KDM2B: variants seen among roughly 807,000 people sequenced by gnomAD.
The protein encoded by KDM2B is lysine demethylase 2B.
In KDM2B, 26 loss-of-function variants were observed where a neutral mutation model predicts 150.0. That is an observed-to-expected ratio of 0.17 (90% confidence interval 0.13 to 0.24). The LOEUF (loss-of-function observed/expected upper bound fraction) is 0.24, where lower values mean the gene tolerates loss of function less well. KDM2B is among the 10% of genes least tolerant of loss of function. The probability of loss-of-function intolerance (pLI) is 1.00; values close to 1 mark genes in which losing one functional copy is unlikely to be tolerated. For missense variants in KDM2B, 1,265 were observed against 1,816.9 expected (o/e 0.70, Z 5.52); for synonymous variants, 734 against 729.5 (o/e 1.01, Z -0.10).
At chr12:121,544,844 C>T (rs1380080313) in intron 6 of KDM2B, among the ~76,000 whole-genome samples, 8 of 150,406 alleles carry the variant, frequency 5.3e-5, no homozygotes, top group African/African-American at 1.2e-4. Context: ...ACCTGGGAGG[C>T]GGAGGTTGCA....
chr12:121,575,692 TG>T lies in KDM2B; in HGVS notation c.350+88del. On this transcript the variant is annotated intron_variant, in intron 3 of 22. Transcript: ENST00000377071. This position sits in a 1 kb window ranked among gnomAD's most constrained non-coding sequence, Gnocchi z 4.4. ...AAAGATCCTTCTCAGTGATGAGAGG[TG>T]GGAAGAGGGTGGAAGAAATCCATCC... The T allele has an allele frequency of 1.1e-6, 1 of 924,504 alleles. No homozygotes were observed. The highest frequency in any genetic ancestry group is 2.3e-4 in the Middle Eastern group (1 of 4,264). 57.3% of individuals were successfully genotyped at this position (924,504 alleles called of 1,614,324 possible).
intron 8 of KDM2B, among the ~76,000 whole-genome samples, chr12:121,526,457 G>C (rs1887143472): frequency 6.6e-6 from 1 of 152,154 alleles, no homozygotes; most frequent in Non-Finnish European, 1.5e-5. Context: ...CCAAGCTACT[G>C]GAGTTCAAAG....
intron 6 of KDM2B, among the ~76,000 whole-genome samples, chr12:121,539,118 G>T (rs989053331): frequency 6.6e-6 from 1 of 151,892 alleles, no homozygotes; most frequent in Non-Finnish European, 1.5e-5. Flanking sequence ...TTAATTAACA[G>T]GTTCTAATTA....
At chr12:121,548,848 A>T (rs782618206) in intron 6 of KDM2B, 29 bp downstream of exon 6, 1 of 1,572,516 alleles carries the variant, frequency 6.4e-7, no homozygotes. Flanking sequence ...CAACCCTGCC[A>T]GCTCTGGCCA....
At chr12:121,461,692 G>A (rs1400824342) in intron 12 of KDM2B, among the ~76,000 whole-genome samples, 1 of 152,144 alleles carries the variant, frequency 6.6e-6, no homozygotes, top group Non-Finnish European at 1.5e-5. Flanking sequence ...GGAATCCAAG[G>A]GGCCCATGGG....
chr12:121,550,536 AC>A (rs1889406720), intron 4 of KDM2B, among the ~76,000 whole-genome samples: 1 of 152,084 alleles, frequency 6.6e-6, no homozygotes, highest in African/African-American at 2.4e-5. Flanking sequence ...TGTTGCCCAG[AC>A]TGAGATCATG....
intron 2 of KDM2B, among the ~76,000 whole-genome samples, chr12:121,576,976 C>A (rs576836316): frequency 2.3e-3 from 352 of 152,270 alleles, no homozygotes; most frequent in Non-Finnish European, 2.6e-3. Context: ...CAGCTCAGAT[C>A]CCCAGGGGCT....
chr12:121,527,653 C>CA (rs58304715), intron 8 of KDM2B, among the ~76,000 whole-genome samples: 4,068 of 57,042 alleles, frequency 0.071, 174 homozygotes, highest in African/African-American at 0.13. Context: ...GACTCCGTCT[C>CA]AAAAAAAAAA....
chr12:121,532,758 A>G, intron 8 of KDM2B, 48 bp downstream of exon 8: 34 of 1,599,080 alleles, frequency 2.1e-5, no homozygotes, highest in Non-Finnish European at 2.7e-5. Flanking sequence ...ACCCTGGCTC[A>G]GGCCGCAGGA....
chr12:121,469,262 A>C (rs1880474857), intron 12 of KDM2B: 1 of 150,962 alleles, frequency 6.6e-6, no homozygotes, highest in Admixed American at 6.6e-5. Flanking sequence ...AAAAGAATAC[A>C]CCCTAACCCC....
At position 121,521,836 on chromosome 12, in the gene KDM2B, T is replaced by TAG. The variant is rs1406884236; in HGVS notation, c.932-738_932-737dup. On this transcript the variant is annotated intron_variant, in intron 8 of 22. Transcript: ENST00000377071. This position sits in a 1 kb window ranked among gnomAD's most constrained non-coding sequence, Gnocchi z 4.9. ...AGGGAAACGGAGGCAGGGCCAGGTG[T>TAG]AGTGGTGCACCTCTGTGATCCCAGC... is the stretch of plus-strand genomic sequence containing the variant. Among the ~76,000 whole-genome samples the TAG allele has an allele frequency of 2.0e-5, 3 of 152,146 alleles. No individual in the cohort carries two copies. Among genetic ancestry groups the TAG allele is most frequent in the Non-Finnish European group, 4.4e-5 (3 of 68,024 alleles).
chr12:121,462,208 C>A (rs1260748279), intron 12 of KDM2B, among the ~76,000 whole-genome samples: 1 of 152,190 alleles, frequency 6.6e-6, no homozygotes, highest in Non-Finnish European at 1.5e-5. Flanking sequence ...GTCCTCAAAT[C>A]TGCAAGCATA....
intron 4 of KDM2B, among the ~76,000 whole-genome samples, chr12:121,555,471 C>A (rs889554339): frequency 6.6e-6 from 1 of 152,110 alleles, no homozygotes; most frequent in Admixed American, 6.5e-5. Context: ...CTCCCTGGTT[C>A]AAGTAATTCT....
intron 1 of KDM2B, 41 bp downstream of exon 1, chr12:121,580,745 C>T: frequency 6.2e-7 from 1 of 1,609,402 alleles, no homozygotes; most frequent in Non-Finnish European, 8.5e-7. Context: ...CCAGGGCTAC[C>T]CCTCTTCCTC....
At chr12:121,424,843 T>C (rs1204348357), downstream of KDM2B, among the ~76,000 whole-genome samples, 1 of 152,206 alleles carries the variant, frequency 6.6e-6, no homozygotes, top group East Asian at 1.9e-4. Context: ...CGCTAGGTGC[T>C]GTAGTTGCCT....
chr12:121,509,484 T>C, intron 11 of KDM2B, 83 bp downstream of exon 11: 1 of 1,546,742 alleles, frequency 6.5e-7, no homozygotes, highest in Non-Finnish European at 8.7e-7. Context: ...AGAGCCATCG[T>C]GAGCTGAGCT....
chr12:121,546,408 A>C (rs1291053745), intron 6 of KDM2B, among the ~76,000 whole-genome samples: 1 of 95,764 alleles, frequency 1.0e-5, no homozygotes. Flanking sequence ...TTTGAGACGG[A>C]GTCTCGCTCT....
chr12:121,577,218 C>T (rs545760074), intron 2 of KDM2B, among the ~76,000 whole-genome samples: 1 of 152,068 alleles, frequency 6.6e-6, no homozygotes, highest in South Asian at 2.1e-4. Flanking sequence ...GACCCACCCA[C>T]CCTAGGCACC....
At chr12:121,419,115 A>T in the KDM2B span, among the ~76,000 whole-genome samples, 1 of 152,240 alleles carries the variant, frequency 6.6e-6, no homozygotes, top group South Asian at 2.1e-4. Flanking sequence ...GATAGACCAC[A>T]TACACGGCAG....
Sources: gnomAD v4.1 joint callset for allele counts (sites outside exome capture counted in the v4.1 genomes callset) on GRCh38, gnomAD v4.1.1 for gene constraint, Gnocchi (gnomAD v3.1) non-coding constraint, MANE v1.5 for transcripts, NCBI Gene and HGNC (gene_info 2026-07-23, HGNC 2026-07-21) for gene names.